The following SEL1L3 variants were observed in gnomAD, a reference collection of about 807,000 sequenced individuals.
SEL1L3 encodes the protein SEL1L family member 3, also known as protein sel-1 homolog 3.
SEL1L3 carries 76 observed loss-of-function variants against 142.8 expected under a neutral mutation model. The observed-to-expected ratio is 0.53, with a 90% confidence interval of 0.44 to 0.64. SEL1L3 has a LOEUF of 0.64. Among genes scored for constraint, SEL1L3 ranks in the 30% least tolerant of loss-of-function variants. The pLI is 0.00. For missense variants in SEL1L3, 1,262 were observed against 1,381.7 expected (o/e 0.91, Z 1.37); for synonymous variants, 504 against 519.6 (o/e 0.97, Z 0.41).
At chr4:25,801,814 A>G (rs1370568836) in intron 11 of SEL1L3, among the ~76,000 whole-genome samples, 1 of 152,172 alleles carries the variant, frequency 6.6e-6, no homozygotes, top group African/African-American at 2.4e-5. Flanking sequence ...CAGGGGGAAC[A>G]TAGCTGGGTA....
At chr4:25,765,213 C>G (rs56267714) in intron 20 of SEL1L3, 113 bp downstream of exon 20, 2 of 716,026 alleles carry the variant, frequency 2.8e-6, no homozygotes, top group South Asian at 3.2e-5. Context: ...AGGCTGGTCC[C>G]GAATTCCTGA....
At chr4:25,806,018 GT>G (rs904711546) in intron 9 of SEL1L3, among the ~76,000 whole-genome samples, 3 of 148,424 alleles carry the variant, frequency 2.0e-5, no homozygotes, top group South Asian at 2.2e-4. Flanking sequence ...AATGTTGTGG[GT>G]TTTTTTTGTT....
chr4:25,759,039 C>A lies in SEL1L3; in HGVS notation c.2985G>T (p.Glu995Asp). 6.2e-7 allele frequency: 1 copy of A among 1,613,608 alleles called. No individual in the cohort carries two copies. The highest frequency in any genetic ancestry group is 8.5e-7 in the Non-Finnish European group (1 of 1,179,788). Residue 995 changes from glutamate (E) to aspartate (D), a missense_variant, in exon 21 of 24, where the codon GAG becomes GAT. By Grantham distance (45) the Glu-to-Asp change is conservative (BLOSUM62 2). Coordinates refer to ENST00000399878, the MANE Select transcript of SEL1L3 (RefSeq NM_015187.5). ...TATGGTGTGGGATTATCGTACCTTC[C>A]TCGATTAGCAGGGCCAGGTTAAAAA... is the stretch of plus-strand genomic sequence containing the variant. The part of the protein sequence containing the change: ...QGFFNLALLI[E>D]EGTIIPHHIL...
the SEL1L3 span, among the ~76,000 whole-genome samples, chr4:25,717,881 T>C: frequency 3.3e-5 from 5 of 152,182 alleles, no homozygotes; most frequent in Admixed American, 6.5e-5. Flanking sequence ...ATCTTATGAA[T>C]GCATGATCCT....
At chr4:25,834,199 T>C (rs1004138371) in intron 3 of SEL1L3, among the ~76,000 whole-genome samples, 2 of 152,194 alleles carry the variant, frequency 1.3e-5, no homozygotes, top group Admixed American at 6.5e-5. Context: ...GAAAAAAATA[T>C]TGTACATCTG....
chr4:25,730,090 T>G, the SEL1L3 span, among the ~76,000 whole-genome samples: 6 of 151,812 alleles, frequency 4.0e-5, no homozygotes, highest in Admixed American at 2.6e-4. Context: ...CCCGCCACCA[T>G]GCCTGGCTAA....
chr4:25,785,199 C>T (rs1711701517), intron 13 of SEL1L3, among the ~76,000 whole-genome samples: 1 of 152,184 alleles, frequency 6.6e-6, no homozygotes, highest in Non-Finnish European at 1.5e-5. Flanking sequence ...ACAAACACAT[C>T]TACAAACTCT....
At chr4:25,754,100 C>T (rs1281732076) in intron 23 of SEL1L3, among the ~76,000 whole-genome samples, 3 of 151,832 alleles carry the variant, frequency 2.0e-5, no homozygotes, top group Non-Finnish European at 4.4e-5. Flanking sequence ...GTCAGGAGTT[C>T]GAGACCAGCC....
rs538949295 is a variant in SEL1L3 at position 25,802,580 on chromosome 4, G to A, written c.1777-118C>T. The A allele has an allele frequency of 1.7e-4, 148 of 861,912 alleles. No individual in the cohort carries two copies. The African/African-American group carries it at 2.0e-3, about 11-fold the overall frequency. The allele number at this position is 861,912 out of a possible 1,614,324, so 53.4% of individuals were successfully genotyped here. A position where few individuals can be genotyped will look rare whatever the true frequency, so the allele number is the denominator to read the frequency against. On this transcript the variant is annotated intron_variant, in intron 10 of 23. Coordinates refer to ENST00000399878, the MANE Select transcript of SEL1L3 (RefSeq NM_015187.5). The stretch of plus-strand genomic sequence containing the variant: ...ACAATCCTAGCCATTCCAGAAATAT[G>A]TTAACTTGCCTTTTTTTTTGAGACG...
chr4:25,762,974 C>CAA lies in SEL1L3; in HGVS notation c.2955+2350_2955+2351dup, dbSNP rs34744540. 3.7e-3 allele frequency among the ~76,000 whole-genome samples: 420 copies of CAA among 112,894 alleles called. 1 individual carries two copies. Among genetic ancestry groups the CAA allele is most frequent in the Non-Finnish European group, 4.7e-3 (255 of 53,956 alleles). 74.1% of individuals were successfully genotyped at this position (112,894 alleles called of 152,430 possible). ...CTGGCGACAGAGTGAGACTCTGTGT[C>CAA]AAAAAAAAAAAAAAAAAGTGACAGG... On this transcript the variant is annotated intron_variant, in intron 20 of 23. Transcript: ENST00000399878.
chr4:25,724,242 G>A, the SEL1L3 span, among the ~76,000 whole-genome samples: 10 of 151,890 alleles, frequency 6.6e-5, 1 homozygote, highest in African/African-American at 2.4e-4. Flanking sequence ...AACATGGTGA[G>A]AACCCATCTC....
chr4:25,800,677 CTT>C (rs1323117568), intron 11 of SEL1L3, among the ~76,000 whole-genome samples: 2 of 151,884 alleles, frequency 1.3e-5, no homozygotes, highest in Non-Finnish European at 1.5e-5. Flanking sequence ...TTAAAAAAAA[CTT>C]TACCAATTAA....
At position 25,827,694 on chromosome 4, in the gene SEL1L3, C is replaced by T. The variant is rs117523403; in HGVS notation, c.1157+2404G>A. ...GCCCCAGCCCTGGATCATTCTGTGG[C>T]CACTCTTTCTCCCATTCACTCATAT... On this transcript the variant is annotated intron_variant, in intron 6 of 23. Transcript: ENST00000399878. 1.4e-3 allele frequency among the ~76,000 whole-genome samples: 219 copies of T among 152,140 alleles called. 4 individuals carry two copies. In the East Asian group the frequency reaches 0.033, roughly 23 times the overall value.
At chr4:25,767,290 A>C (rs1012391000) in intron 19 of SEL1L3, among the ~76,000 whole-genome samples, 3 of 152,176 alleles carry the variant, frequency 2.0e-5, no homozygotes, top group Non-Finnish European at 2.9e-5. Context: ...CTCCAAAAAT[A>C]AAAATCAAAA....
chr4:25,783,735 A>T (rs1284407842), intron 14 of SEL1L3, among the ~76,000 whole-genome samples: 1 of 152,224 alleles, frequency 6.6e-6, no homozygotes, highest in East Asian at 1.9e-4. Flanking sequence ...TACCACTTAA[A>T]TGTAGTGACA....
At position 25,822,060 on chromosome 4, in the gene SEL1L3, G is replaced by T; in HGVS notation, c.1226C>A (p.Ala409Asp). ...GGGTCCAAAAAACCCTTCAATGCCA[G>T]CCACATACCTGCTCCCTCCAATAAT... ...YFIIGGSRYV[A>D]GIEGFFGPLK... Residue 409 changes from alanine (A) to aspartate (D), a missense_variant, in exon 7 of 24, where the codon GCT becomes GAT. By Grantham distance (126) the Ala-to-Asp change is moderately radical. Coordinates refer to ENST00000399878, the MANE Select transcript of SEL1L3 (RefSeq NM_015187.5). The T allele has an allele frequency of 6.2e-7, 1 of 1,613,940 alleles. No homozygotes were observed. Among genetic ancestry groups the T allele is most frequent in the Non-Finnish European group, 8.5e-7 (1 of 1,179,866 alleles).
chr4:25,739,537 G>A, the SEL1L3 span, among the ~76,000 whole-genome samples: 2 of 151,840 alleles, frequency 1.3e-5, no homozygotes, highest in Non-Finnish European at 2.9e-5. Context: ...AAATCCCATC[G>A]CTACTAAAAA....
At chr4:25,726,628 T>C in the SEL1L3 span, among the ~76,000 whole-genome samples, 1 of 152,020 alleles carries the variant, frequency 6.6e-6, no homozygotes, top group Non-Finnish European at 1.5e-5. Flanking sequence ...GTCTGGCTTC[T>C]GAGAGTTACA....
chr4:25,847,877 A>G lies in SEL1L3; in HGVS notation c.163-13T>C, dbSNP rs1258305824. ...ATGGTACAACATTCTGAAAAAAAGA[A>G]AAAGAAAGTAAGAAATACAGAAAGT... On this transcript the variant is annotated splice_polypyrimidine_tract_variant and intron_variant, in intron 1 of 23. Transcript: ENST00000399878. 6.8e-7 allele frequency: 1 copy of G among 1,469,430 alleles called. No individual in the cohort carries two copies. Among genetic ancestry groups the G allele is most frequent in the Admixed American group, 2.5e-5 (1 of 40,450 alleles). 91.0% of individuals were successfully genotyped at this position (1,469,430 alleles called of 1,614,324 possible). A position where few individuals can be genotyped will look rare whatever the true frequency, so the allele number is the denominator to read the frequency against.
Sources: allele counts gnomAD v4.1 joint callset (sites outside exome capture counted in the v4.1 genomes callset), GRCh38; gene constraint gnomAD v4.1.1; transcripts MANE v1.5; gene names NCBI Gene and HGNC (gene_info 2026-07-23, HGNC 2026-07-21).